The following ZNF516 variants were observed in gnomAD, a reference collection of about 807,000 sequenced individuals.
ZNF516 encodes the protein zinc finger protein 516.
In ZNF516, 19 loss-of-function variants were observed where a neutral mutation model predicts 79.7. The ratio of observed to expected loss-of-function variants is 0.24; its 90% confidence interval spans 0.17 to 0.35. ZNF516 has a LOEUF of 0.35. Among genes scored for constraint, ZNF516 ranks in the 10% least tolerant of loss-of-function variants. The pLI is 1.00. For synonymous variants in ZNF516, 877 were observed against 739.5 expected (o/e 1.19, Z -3.02); for missense variants, 1,678 against 1,679.5 (o/e 1.00, Z 0.02).
chr18:76,445,910 C>T (rs572174624), intron 2 of ZNF516, among the ~76,000 whole-genome samples: 4 of 152,264 alleles, frequency 2.6e-5, no homozygotes, highest in Non-Finnish European at 4.4e-5. Flanking sequence ...CTCCTGCCTT[C>T]TTTCAGAGCA....
intron 3 of ZNF516, among the ~76,000 whole-genome samples, chr18:76,392,823 T>G (rs1158928317): frequency 1.9e-5 from 1 of 52,738 alleles, no homozygotes; most frequent in East Asian, 4.4e-4. Context: ...AGGCAGGTAG[T>G]CAGGTGGGAA....
intron 1 of ZNF516, among the ~76,000 whole-genome samples, chr18:76,485,054 A>AT (rs1914751199): frequency 6.6e-6 from 1 of 150,884 alleles, no homozygotes; most frequent in South Asian, 2.1e-4. Flanking sequence ...TAACACTTTT[A>AT]TTTTTTAAGT....
chr18:76,405,462 A>G (rs2075291503), intron 3 of ZNF516, among the ~76,000 whole-genome samples: 1 of 152,178 alleles, frequency 6.6e-6, no homozygotes, highest in African/African-American at 2.4e-5. Context: ...GAGACTCCGC[A>G]GTGCATCAGC....
Position 76,495,150 on chromosome 18 carries a change from A to T in ZNF516, c.-278T>A, listed in dbSNP as rs2089866591. 1 of 149,018 alleles carries T rather than the reference A, an allele frequency of 6.7e-6. No individual in the cohort carries two copies. Among genetic ancestry groups the T allele is most frequent in the African/African-American group, 2.5e-5 (1 of 40,756 alleles). 9.2% of individuals were successfully genotyped at this position (149,018 alleles called of 1,614,324 possible). On this transcript the variant is annotated 5_prime_UTR_variant, in exon 1 of 7. Transcript: ENST00000443185. ...CCCCGCCCGCGGCCCCTACCTTGGC[A>T]GGGAGGCGGCGGGCCTGGGGAGGAG...
At chr18:76,401,235 A>G (rs954829511) in intron 3 of ZNF516, among the ~76,000 whole-genome samples, 5 of 136,178 alleles carry the variant, frequency 3.7e-5, no homozygotes, top group South Asian at 2.4e-4. Flanking sequence ...CTTATAGTTC[A>G]CCTTCAATTT....
chr18:76,383,093 G>A lies in ZNF516; in HGVS notation c.1811-2790C>T, dbSNP rs139252121. Among the ~76,000 whole-genome samples, 601 of 150,106 alleles carry A rather than the reference G, an allele frequency of 4.0e-3. 4 individuals carry two copies. Among genetic ancestry groups the A allele is most frequent in the African/African-American group, 0.014 (563 of 40,844 alleles). On this transcript the variant is annotated intron_variant, in intron 3 of 6. Coordinates refer to ENST00000443185, the MANE Select transcript of ZNF516 (RefSeq NM_014643.4). ...TCTAGCCCAAGTTATCGATGTCACCGGTCGAGAGTGAACGGCAAAATGCCT... is the reference window on the plus strand; with the variant it reads ...TCTAGCCCAAGTTATCGATGTCACCAGTCGAGAGTGAACGGCAAAATGCCT...
chr18:76,485,583 A>G (rs1914784085), intron 1 of ZNF516, among the ~76,000 whole-genome samples: 2 of 152,350 alleles, frequency 1.3e-5, no homozygotes, highest in South Asian at 4.1e-4. Flanking sequence ...AGGTGTCTGG[A>G]GACACATTTG....
chr18:76,379,672 T>C lies in ZNF516; in HGVS notation c.2442A>G (p.Gly814=), dbSNP rs750003882. 9.3e-6 allele frequency: 15 copies of C among 1,613,566 alleles called. No homozygotes were observed. The highest frequency in any genetic ancestry group is 1.6e-4 in the Middle Eastern group (1 of 6,062). ...CGAGGGCAGGCGGGGGGCCCGTGCG[T>C]CCGCTCCGGGAAAGGAAAACCAAAT... ...RSNLVFLSRS[G]RTGPPPALGG... Residue 814 remains glycine, a synonymous_variant, in exon 4 of 7, where the codon GGA becomes GGG. Transcript: ENST00000443185.
chr18:76,415,662 A>G (rs2075424571), intron 3 of ZNF516, among the ~76,000 whole-genome samples: 1 of 152,072 alleles, frequency 6.6e-6, no homozygotes, highest in South Asian at 2.1e-4. Flanking sequence ...TGTTTGAACC[A>G]AGTTACCTCC....
At chr18:76,483,402 C>T (rs903290853) in intron 1 of ZNF516, among the ~76,000 whole-genome samples, 1 of 152,192 alleles carries the variant, frequency 6.6e-6, no homozygotes, top group African/African-American at 2.4e-5. Flanking sequence ...AAAGCACCTG[C>T]CATGATCCAC....
chr18:76,405,275 C>T (rs1339875985), intron 3 of ZNF516, among the ~76,000 whole-genome samples: 1 of 152,172 alleles, frequency 6.6e-6, no homozygotes, highest in Non-Finnish European at 1.5e-5. Context: ...CTTGCCCAGG[C>T]TGGAGTGCAG....
At chr18:76,481,296 A>T (rs1914508539) in intron 1 of ZNF516, among the ~76,000 whole-genome samples, 1 of 152,218 alleles carries the variant, frequency 6.6e-6, no homozygotes, top group South Asian at 2.1e-4. Flanking sequence ...TTATTTTCAG[A>T]ACAGAGCAGG....
intron 3 of ZNF516, chr18:76,389,487 C>T (rs76214182): frequency 6.6e-6 from 1 of 152,146 alleles, no homozygotes; most frequent in East Asian, 1.9e-4. Flanking sequence ...AGGCAGCTCT[C>T]GGGAATTCTG....
chr18:76,494,466 CCGCCCG>C (rs1350578807), intron 1 of ZNF516, among the ~76,000 whole-genome samples: 1 of 149,926 alleles, frequency 6.7e-6, no homozygotes, highest in African/African-American at 2.5e-5. Flanking sequence ...ACCCCCACCC[CCGCCCG>C]AACTTCCCTT....
chr18:76,392,837 G>A (rs1350416606), intron 3 of ZNF516, among the ~76,000 whole-genome samples: 13 of 43,708 alleles, frequency 3.0e-4, no homozygotes, highest in Non-Finnish European at 4.4e-4. Context: ...GTGGGAAGCC[G>A]GGAAGGCAGG....
intron 2 of ZNF516, among the ~76,000 whole-genome samples, chr18:76,448,593 G>A (rs1912205205): frequency 6.6e-6 from 1 of 152,136 alleles, no homozygotes. Flanking sequence ...AAAGCCAGGG[G>A]GTATGTACAG....
At chr18:76,401,036 TAA>T (rs1263221978) in intron 3 of ZNF516, among the ~76,000 whole-genome samples, 1 of 152,170 alleles carries the variant, frequency 6.6e-6, no homozygotes, top group Non-Finnish European at 1.5e-5. Context: ...CTCCTATTTT[TAA>T]AAAGAGGAAA....
chr18:76,376,776 G>C (rs980952448), intron 4 of ZNF516, among the ~76,000 whole-genome samples: 3 of 152,120 alleles, frequency 2.0e-5, no homozygotes, highest in African/African-American at 7.2e-5. Flanking sequence ...TAGAACCTAG[G>C]GTGCACGCAG....
Position 76,360,646 on chromosome 18 carries a change from A to AATATATATATATATATAT in ZNF516, c.*1834_*1851dup, listed in dbSNP as rs61233300. Reference sequence around the variant, plus strand: ...AAAAAAATAAGTAAAAAAAAAAAAAAATATATATATATATATATATATATA... The same window carrying AATATATATATATATATAT: ...AAAAAAATAAGTAAAAAAAAAAAAAAATATATATATATATATATATATATATATATATATATATATATA... On this transcript the variant is annotated 3_prime_UTR_variant, in exon 7 of 7. Coordinates refer to ENST00000443185, the MANE Select transcript of ZNF516 (RefSeq NM_014643.4). 1.4e-5 allele frequency: 1 copy of AATATATATATATATATAT among 72,462 alleles called. No individual in the cohort carries two copies. Among genetic ancestry groups the AATATATATATATATATAT allele is most frequent in the Non-Finnish European group, 2.7e-5 (1 of 36,928 alleles). The allele number at this position is 72,462 out of a possible 1,614,324, so 4.5% of individuals were successfully genotyped here.
Sources: gnomAD v4.1 joint callset for allele counts (sites outside exome capture counted in the v4.1 genomes callset) on GRCh38, gnomAD v4.1.1 for gene constraint, MANE v1.5 for transcripts, NCBI Gene and HGNC (gene_info 2026-07-23, HGNC 2026-07-21) for gene names.